Variants in CFAP20DC observed in about 807,000 individuals in gnomAD.
CFAP20DC encodes CFAP20 domain containing, also known as protein CFAP20DC.
CFAP20DC carries 84 observed loss-of-function variants against 101.7 expected under a neutral mutation model. The observed-to-expected ratio is 0.83, with a 90% CI of 0.69 to 0.99. The LOEUF (loss-of-function observed/expected upper bound fraction) is 0.99. Ranked by LOEUF, CFAP20DC falls within the 50% of genes least tolerant of loss-of-function variation. The probability of loss-of-function intolerance (pLI) is 0.00; values close to 1 mark genes in which losing one functional copy is unlikely to be tolerated. For missense variants in CFAP20DC, 1,007 were observed against 970.3 expected (o/e 1.04, Z -0.50); for synonymous variants, 359 against 351.2 (o/e 1.02, Z -0.25).
rs2076402243 is a variant in CFAP20DC, at chr3:58,831,687, G to A, written c.2174C>T (p.Pro725Leu). Residue 725 changes from proline (P) to leucine (L), a missense_variant and splice_region_variant, in exon 14 of 17, where the codon CCC becomes CTC. Coordinates refer to ENST00000482387, the MANE Select transcript of CFAP20DC (RefSeq NM_001394063.1). ...DTTTWNSCLP[P>L]PVNQGRHYQK... Reference sequence around the variant, plus strand: ...GAAGCTGCAAAGCCAGGGACTCACGGGTGGCAGGCAGGAGTTCCAGGTGGT... The same window carrying A: ...GAAGCTGCAAAGCCAGGGACTCACGAGTGGCAGGCAGGAGTTCCAGGTGGT... The A allele has an allele frequency of 6.2e-7, 1 of 1,613,420 alleles. No individual in the cohort carries two copies. Among genetic ancestry groups the A allele is most frequent in the Non-Finnish European group, 8.5e-7 (1 of 1,179,650 alleles).
At chr3:58,719,201 C>A (rs892405908) in intron 3 of CFAP20DC, among the ~76,000 whole-genome samples, 3 of 152,158 alleles carry the variant, frequency 2.0e-5, no homozygotes, top group African/African-American at 7.2e-5. Flanking sequence ...CATGATTGTG[C>A]CACTGTACTC....
chr3:58,770,099 G>A (rs2070703845), intron 15 of CFAP20DC, among the ~76,000 whole-genome samples: 1 of 152,112 alleles, frequency 6.6e-6, no homozygotes, highest in Non-Finnish European at 1.5e-5. Flanking sequence ...AAATATTAAT[G>A]ACAAAGCATC....
chr3:59,021,740 G>GA (rs1047298643), intron 4 of CFAP20DC, among the ~76,000 whole-genome samples: 3 of 152,134 alleles, frequency 2.0e-5, no homozygotes, highest in African/African-American at 7.2e-5. Context: ...CTGGTATACA[G>GA]AACGAAACTG....
At position 59,049,381 on chromosome 3, in the gene CFAP20DC, T is replaced by G. The variant is rs1700127297; in HGVS notation, c.21+230A>C. Among the ~76,000 whole-genome samples, 2 of 152,184 alleles carry G rather than the reference T, an allele frequency of 1.3e-5. 1 individual carries two copies. The highest frequency in any genetic ancestry group is 4.1e-4 in the South Asian group (2 of 4,824). On this transcript the variant is annotated intron_variant, in intron 1 of 16. Coordinates refer to ENST00000482387, the MANE Select transcript of CFAP20DC (RefSeq NM_001394063.1). ...GGTAGAATCACAGACAATTAATTCA[T>G]CTTAAGAAACACTGAGTTGGAGAGT...
chr3:58,922,992 A>C (rs1009016676), intron 5 of CFAP20DC, among the ~76,000 whole-genome samples: 15 of 152,134 alleles, frequency 9.9e-5, no homozygotes, highest in African/African-American at 3.4e-4. Flanking sequence ...CATGTTATAA[A>C]ATTATATATA....
intron 15 of CFAP20DC, among the ~76,000 whole-genome samples, chr3:58,761,980 G>A (rs894103175): frequency 6.6e-6 from 1 of 152,120 alleles, no homozygotes; most frequent in African/African-American, 2.4e-5. Flanking sequence ...TTTGGAATAG[G>A]TGTGGTGTGG....
At chr3:58,870,804 C>T (rs1198856972) in intron 7 of CFAP20DC, among the ~76,000 whole-genome samples, 4 of 135,412 alleles carry the variant, frequency 3.0e-5, no homozygotes, top group African/African-American at 1.1e-4. Context: ...AGGAGAATGG[C>T]GTGAACCCGG....
chr3:58,843,084 G>T (rs1422179943), intron 13 of CFAP20DC, among the ~76,000 whole-genome samples: 1 of 152,276 alleles, frequency 6.6e-6, no homozygotes, highest in Non-Finnish European at 1.5e-5. Context: ...AGAAAAACTG[G>T]AAACTCTAAA....
chr3:58,970,494 G>C (rs1346431886), intron 4 of CFAP20DC: 1 of 152,178 alleles, frequency 6.6e-6, no homozygotes, highest in Non-Finnish European at 1.5e-5. Flanking sequence ...GGATGGTACA[G>C]ATTCTCCCTC....
At chr3:58,750,895 T>C (rs1165399990) in intron 16 of CFAP20DC, among the ~76,000 whole-genome samples, 1 of 152,230 alleles carries the variant, frequency 6.6e-6, no homozygotes. Flanking sequence ...TATAACTCTT[T>C]AACTGCCAAA....
chr3:58,730,394 T>C (rs1474609098), intron 3 of CFAP20DC, among the ~76,000 whole-genome samples: 2 of 152,184 alleles, frequency 1.3e-5, no homozygotes, highest in East Asian at 1.9e-4. Context: ...AGAAAATAGA[T>C]TGCAGGCAGT....
At chr3:58,822,945 T>G (rs1250182276) in intron 14 of CFAP20DC, among the ~76,000 whole-genome samples, 1 of 152,192 alleles carries the variant, frequency 6.6e-6, no homozygotes. Flanking sequence ...AGGAACATCC[T>G]TATCTCTGAA....
At chr3:58,885,126 C>T (rs1047372787) in intron 6 of CFAP20DC, among the ~76,000 whole-genome samples, 3 of 152,044 alleles carry the variant, frequency 2.0e-5, no homozygotes, top group Admixed American at 2.0e-4. Context: ...GCACCCACAG[C>T]CATTATATGG....
intron 5 of CFAP20DC, among the ~76,000 whole-genome samples, chr3:58,929,957 C>T (rs1333297273): frequency 6.6e-6 from 1 of 152,130 alleles, no homozygotes; most frequent in Non-Finnish European, 1.5e-5. Context: ...TTTGTCTGCA[C>T]ACCACACAGC....
intron 4 of CFAP20DC, among the ~76,000 whole-genome samples, chr3:59,004,187 T>C (rs912065776): frequency 6.6e-6 from 1 of 152,162 alleles, no homozygotes; most frequent in African/African-American, 2.4e-5. Flanking sequence ...TGATGTATGT[T>C]AATAACCTGG....
At chr3:58,921,196 A>G (rs1184336843) in intron 5 of CFAP20DC, among the ~76,000 whole-genome samples, 2 of 152,004 alleles carry the variant, frequency 1.3e-5, no homozygotes, top group East Asian at 3.8e-4. Context: ...CATTTCAAAG[A>G]ACCAATTTTT....
At position 58,848,894 on chromosome 3, in the gene CFAP20DC, A is replaced by G. The variant is rs919392287; in HGVS notation, c.1971+138T>C. 3 of 1,070,602 alleles carry G rather than the reference A, an allele frequency of 2.8e-6. No individual in the cohort carries two copies. In the African/African-American group the frequency reaches 4.8e-5, roughly 17 times the overall value. 66.3% of individuals were successfully genotyped at this position (1,070,602 alleles called of 1,614,324 possible). A position where few individuals can be genotyped will look rare whatever the true frequency, so the allele number is the denominator to read the frequency against. ...ACAGCTGCTATTACCAAACTAAAAC[A>G]CATCAGAACAGGAAAGAAAATACAA... On this transcript the variant is annotated intron_variant, in intron 13 of 16. Coordinates refer to ENST00000482387, the MANE Select transcript of CFAP20DC (RefSeq NM_001394063.1).
intron 14 of CFAP20DC, among the ~76,000 whole-genome samples, chr3:58,807,247 T>C (rs749572744): frequency 2.0e-5 from 3 of 152,300 alleles, no homozygotes; most frequent in East Asian, 3.9e-4. Context: ...GATCTGAGAA[T>C]GGGCAGACTG....
intron 6 of CFAP20DC, among the ~76,000 whole-genome samples, chr3:58,906,915 T>C (rs2083647490): frequency 6.6e-6 from 1 of 152,002 alleles, no homozygotes; most frequent in Non-Finnish European, 1.5e-5. Flanking sequence ...GGCAACGGAG[T>C]GAGATCCTCT....
Sources: allele counts gnomAD v4.1 joint callset (sites outside exome capture counted in the v4.1 genomes callset), GRCh38; gene constraint gnomAD v4.1.1; transcripts MANE v1.5; gene names NCBI Gene and HGNC (gene_info 2026-07-23, HGNC 2026-07-21).